Variants in MAGI2 observed in about 807,000 individuals in gnomAD.
The protein encoded by MAGI2 is membrane associated guanylate kinase, WW and PDZ domain containing 2.
In MAGI2, 35 loss-of-function variants were observed where a neutral mutation model predicts 133.3. That is an observed-to-expected ratio of 0.26 (90% CI 0.20 to 0.35). The LOEUF is 0.35. Ranked by LOEUF, MAGI2 falls within the 10% of genes least tolerant of loss-of-function variation. The pLI, the probability that MAGI2 is intolerant of heterozygous loss-of-function variation, is 1.00. For synonymous variants in MAGI2, 729 were observed against 710.6 expected (o/e 1.03, Z -0.41); for missense variants, 1,636 against 1,863.4 (o/e 0.88, Z 2.25).
chr7:78,345,906 C>G lies in MAGI2; in HGVS notation c.1225+16G>C. ...AATTTTCCCTTTGAAACATCACATG[C>G]TGACAGGTATCATACCTCGGAAACC... On this transcript the variant is annotated intron_variant, in intron 8 of 21. Transcript: ENST00000354212. The G allele has an allele frequency of 6.2e-7, 1 of 1,612,306 alleles. No individual in the cohort carries two copies.
chr7:79,268,572 A>C (rs1190123261), intron 1 of MAGI2, among the ~76,000 whole-genome samples: 2 of 152,210 alleles, frequency 1.3e-5, no homozygotes, highest in Non-Finnish European at 2.9e-5. Context: ...TGTGACATTA[A>C]ATGATTTTTA....
chr7:79,321,044 T>C (rs181546131), intron 1 of MAGI2, among the ~76,000 whole-genome samples: 2 of 152,278 alleles, frequency 1.3e-5, no homozygotes, highest in African/African-American at 4.8e-5. Flanking sequence ...TGGGAGTCAT[T>C]ATTGAATTTC....
intron 18 of MAGI2, among the ~76,000 whole-genome samples, chr7:78,129,433 A>T (rs1418547071): frequency 1.3e-5 from 2 of 152,246 alleles, no homozygotes; most frequent in Non-Finnish European, 2.9e-5. Context: ...AGGAAAACTC[A>T]GGATTATTTT....
intron 2 of MAGI2, among the ~76,000 whole-genome samples, chr7:78,866,317 A>C (rs1261700327): frequency 6.6e-6 from 1 of 152,120 alleles, no homozygotes; most frequent in African/African-American, 2.4e-5. Flanking sequence ...GGGCCATGTA[A>C]CTTCTCATCT....
intron 2 of MAGI2, among the ~76,000 whole-genome samples, chr7:78,732,508 T>G (rs2151228785): frequency 6.6e-6 from 1 of 152,236 alleles, no homozygotes; most frequent in East Asian, 1.9e-4. Context: ...TGCAATTTAC[T>G]TTGAAATGCA....
At chr7:79,029,956 A>G (rs946532716) in intron 1 of MAGI2, among the ~76,000 whole-genome samples, 3 of 152,178 alleles carry the variant, frequency 2.0e-5, no homozygotes, top group African/African-American at 7.2e-5. Flanking sequence ...AGAAAAGGGC[A>G]TATCCCCAAA....
chr7:78,986,398 G>A (rs919566284), intron 2 of MAGI2, among the ~76,000 whole-genome samples: 2 of 151,928 alleles, frequency 1.3e-5, no homozygotes, highest in Non-Finnish European at 2.9e-5. Flanking sequence ...GATTTCATCT[G>A]TTTGAAATAC....
At chr7:79,437,076 A>G (rs1848194558) in intron 1 of MAGI2, among the ~76,000 whole-genome samples, 1 of 152,172 alleles carries the variant, frequency 6.6e-6, no homozygotes, top group Non-Finnish European at 1.5e-5. Context: ...CCATTATCCT[A>G]AGAAAATTAA....
At position 78,128,060 on chromosome 7, in the gene MAGI2, A is replaced by G. The variant is rs1476470092; in HGVS notation, c.3204-644T>C. On this transcript the variant is annotated intron_variant, in intron 18 of 21. Transcript: ENST00000354212. Reference sequence around the variant, plus strand: ...ATTGGAAACATATTACACAGAGGTAATACTAGATCATAGCTATCAAGATTA... The same window carrying G: ...ATTGGAAACATATTACACAGAGGTAGTACTAGATCATAGCTATCAAGATTA... 2.6e-5 allele frequency among the ~76,000 whole-genome samples: 4 copies of G among 152,320 alleles called. No individual in the cohort carries two copies. The East Asian group carries it at 7.7e-4, about 29-fold the overall frequency.
At chr7:78,664,553 C>T (rs1450908055) in intron 2 of MAGI2, among the ~76,000 whole-genome samples, 2 of 151,774 alleles carry the variant, frequency 1.3e-5, no homozygotes, top group South Asian at 2.1e-4. Context: ...TGTTTTTCTA[C>T]TTTTGAATAA....
Position 79,453,055 on chromosome 7 carries a change from C to G in MAGI2, c.266G>C (p.Cys89Ser), listed in dbSNP as rs759330052. The G allele has an allele frequency of 6.2e-7, 1 of 1,609,176 alleles. No individual in the cohort carries two copies. Among genetic ancestry groups the G allele is most frequent in the Admixed American group, 1.7e-5 (1 of 59,732 alleles). The change falls in exon 1 of 22, where the codon TGC becomes TCC. Residue 89 changes from cysteine to serine, a missense_variant. Transcript: ENST00000354212. ...IRDVLAVIKH[C>S]KDPLRLKCVK... The stretch of plus-strand genomic sequence containing the variant: ...ACACTTGAGCCGGAGGGGGTCCTTG[C>G]AGTGTTTGATCACGGCCAGCACGTC...
chr7:78,918,022 A>G (rs567491823), intron 2 of MAGI2, among the ~76,000 whole-genome samples: 5 of 152,158 alleles, frequency 3.3e-5, no homozygotes, highest in African/African-American at 1.2e-4. Flanking sequence ...ATAGAGCTCA[A>G]TCTCCAGGAC....
chr7:78,658,568 C>T (rs180940977), intron 2 of MAGI2, among the ~76,000 whole-genome samples: 1 of 152,232 alleles, frequency 6.6e-6, no homozygotes, highest in Non-Finnish European at 1.5e-5. Flanking sequence ...TTGCATATCA[C>T]CACATATCTG....
intron 9 of MAGI2, among the ~76,000 whole-genome samples, chr7:78,270,835 C>G (rs1794492816): frequency 6.6e-6 from 1 of 152,116 alleles, no homozygotes; most frequent in Non-Finnish European, 1.5e-5. Context: ...AACAGAATGT[C>G]CATTCTTCTC....
At chr7:79,176,168 G>T (rs993134105) in intron 1 of MAGI2, among the ~76,000 whole-genome samples, 1 of 151,938 alleles carries the variant, frequency 6.6e-6, no homozygotes, top group African/African-American at 2.4e-5. Context: ...ATATGCATGT[G>T]GTGGACATCA....
At chr7:78,757,732 T>C (rs566050575) in intron 2 of MAGI2, among the ~76,000 whole-genome samples, 2 of 152,336 alleles carry the variant, frequency 1.3e-5, no homozygotes, top group South Asian at 4.1e-4. Flanking sequence ...CTTCTTGGTC[T>C]CTTTTGCATA....
At chr7:78,299,749 C>G (rs1316690958) in intron 9 of MAGI2, among the ~76,000 whole-genome samples, 1 of 152,006 alleles carries the variant, frequency 6.6e-6, no homozygotes, top group Admixed American at 6.5e-5. Flanking sequence ...TGATCCTCTC[C>G]CTCCTCTCAA....
At chr7:78,444,055 T>C (rs1023765825) in intron 6 of MAGI2, among the ~76,000 whole-genome samples, 4 of 140,484 alleles carry the variant, frequency 2.8e-5, no homozygotes, top group Non-Finnish European at 6.2e-5. Flanking sequence ...TGAAAAAAAA[T>C]GGCCCACTTA....
At chr7:79,013,781 C>T (rs2116611846) in intron 1 of MAGI2, among the ~76,000 whole-genome samples, 1 of 152,192 alleles carries the variant, frequency 6.6e-6, no homozygotes, top group African/African-American at 2.4e-5. Flanking sequence ...CTAGACTAGA[C>T]AGTCTATAAA....
Sources: gnomAD v4.1 joint callset for allele counts (sites outside exome capture counted in the v4.1 genomes callset) on GRCh38, gnomAD v4.1.1 for gene constraint, MANE v1.5 for transcripts, NCBI Gene and HGNC (gene_info 2026-07-23, HGNC 2026-07-21) for gene names.